Variants in FOXN3 observed in about 807,000 individuals in gnomAD.
FOXN3 encodes forkhead box N3, also known as forkhead box protein N3.
In FOXN3, 7 loss-of-function variants were observed where a neutral mutation model predicts 38.4. The observed-to-expected ratio is 0.18, with a 90% CI of 0.10 to 0.34. FOXN3 has a LOEUF of 0.34. Among genes scored for constraint, FOXN3 ranks in the 10% least tolerant of loss-of-function variants. The probability of loss-of-function intolerance (pLI) is 1.00; values close to 1 mark genes in which losing one functional copy is unlikely to be tolerated. For synonymous variants in FOXN3, 230 were observed against 242.2 expected (o/e 0.95, Z 0.47); for missense variants, 456 against 613.4 (o/e 0.74, Z 2.71).
intron 2 of FOXN3, among the ~76,000 whole-genome samples, chr14:89,394,403 C>T (rs924793346): frequency 1.3e-5 from 2 of 151,968 alleles, no homozygotes; most frequent in Admixed American, 6.6e-5. Flanking sequence ...GATGGGGTTT[C>T]GCCATGTTGG....
At chr14:89,350,166 T>C (rs1340986210) in intron 3 of FOXN3, 1 of 152,246 alleles carries the variant, frequency 6.6e-6, no homozygotes, top group African/African-American at 2.4e-5. Context: ...ATGTCTCTAT[T>C]GTTTCTACTG....
At chr14:89,245,666 G>A (rs1459437465) in intron 4 of FOXN3, among the ~76,000 whole-genome samples, 1 of 152,198 alleles carries the variant, frequency 6.6e-6, no homozygotes, top group Non-Finnish European at 1.5e-5. Context: ...AAGTGGTTGA[G>A]TGAGAAAGAA....
chr14:89,610,278 C>A (rs960906790), intron 1 of FOXN3, among the ~76,000 whole-genome samples: 1 of 152,202 alleles, frequency 6.6e-6, no homozygotes, highest in Non-Finnish European at 1.5e-5. Flanking sequence ...CCCTGAGAAC[C>A]TTCTCTGGCT....
At chr14:89,609,729 A>G (rs1056930770) in intron 1 of FOXN3, among the ~76,000 whole-genome samples, 5 of 152,026 alleles carry the variant, frequency 3.3e-5, no homozygotes, top group African/African-American at 1.2e-4. Flanking sequence ...ATATTTCAAG[A>G]GGGTTTTAGG....
At chr14:89,248,992 C>A (rs149214022) in intron 4 of FOXN3, among the ~76,000 whole-genome samples, 2 of 152,214 alleles carry the variant, frequency 1.3e-5, no homozygotes, top group Non-Finnish European at 2.9e-5. Context: ...ATACCCTCCA[C>A]GTATACAAGC....
At chr14:89,590,989 T>C (rs1895937938) in intron 1 of FOXN3, among the ~76,000 whole-genome samples, 1 of 152,240 alleles carries the variant, frequency 6.6e-6, no homozygotes, top group African/African-American at 2.4e-5. Context: ...CTATCCATTA[T>C]GCATCAAACC....
At chr14:89,290,650 G>C (rs965481651) in intron 3 of FOXN3, 6 of 461,860 alleles carry the variant, frequency 1.3e-5, no homozygotes, top group Admixed American at 2.7e-5. Context: ...TTGAACACGG[G>C]TGCATGTTGC....
At chr14:89,595,668 T>A (rs1402414618) in intron 1 of FOXN3, among the ~76,000 whole-genome samples, 2 of 152,352 alleles carry the variant, frequency 1.3e-5, no homozygotes, top group East Asian at 3.9e-4. Flanking sequence ...TCCTTTCTAA[T>A]CCTAATACCT....
chr14:89,505,755 G>T (rs1893907937), intron 1 of FOXN3, among the ~76,000 whole-genome samples: 1 of 151,872 alleles, frequency 6.6e-6, no homozygotes, highest in Admixed American at 6.6e-5. Context: ...GATGTGAGGA[G>T]CCTCTCTGCC....
At chr14:89,179,985 G>A (rs1450138098) in intron 5 of FOXN3, among the ~76,000 whole-genome samples, 1 of 152,268 alleles carries the variant, frequency 6.6e-6, no homozygotes, top group Non-Finnish European at 1.5e-5. Context: ...GGGGCACGGA[G>A]TTAGGAAACT....
chr14:89,162,396 C>G lies in FOXN3; in HGVS notation c.*18G>C. ...AAACCAAATGGTCGTAAGTTCAAAA[C>G]AAATCAGTGACTTGTTTTTAATTTT... On this transcript the variant is annotated 3_prime_UTR_variant, in exon 6 of 6. Coordinates refer to ENST00000557258, the MANE Select transcript of FOXN3 (RefSeq NM_005197.4). The surrounding 1 kb of genome is among the most constrained non-coding windows in gnomAD (Gnocchi z 7.2). 1 of 1,527,806 alleles carries G rather than the reference C, an allele frequency of 6.5e-7. No homozygotes were observed. Among genetic ancestry groups the G allele is most frequent in the Non-Finnish European group, 8.8e-7 (1 of 1,137,828 alleles). 94.6% of individuals were successfully genotyped at this position (1,527,806 alleles called of 1,614,324 possible). A position where few individuals can be genotyped will look rare whatever the true frequency, so the allele number is the denominator to read the frequency against.
At chr14:89,333,966 G>GTGTATATATATATATATATATA (rs1490383212) in intron 3 of FOXN3, among the ~76,000 whole-genome samples, 1 of 131,580 alleles carries the variant, frequency 7.6e-6, no homozygotes, top group African/African-American at 2.9e-5. Flanking sequence ...AATGTGGTGT[G>GTGTATATATATATATATATATA]TATATATATA....
At chr14:89,415,847 T>TACACACACACAC (rs5810462) in intron 1 of FOXN3, among the ~76,000 whole-genome samples, 2,401 of 140,450 alleles carry the variant, frequency 0.017, 56 homozygotes, top group African/African-American at 0.034. Flanking sequence ...AACTTTTCTC[T>TACACACACACAC]ACACACACAC....
At chr14:89,260,577 G>C (rs1046846014) in intron 4 of FOXN3, among the ~76,000 whole-genome samples, 1 of 152,240 alleles carries the variant, frequency 6.6e-6, no homozygotes, top group Admixed American at 6.5e-5. Context: ...CAATGGGCCT[G>C]ATGGCCGACT....
chr14:89,377,312 A>AAAATAAATAAAT (rs34397438), intron 2 of FOXN3, among the ~76,000 whole-genome samples: 4,467 of 149,724 alleles, frequency 0.03, 236 homozygotes, highest in African/African-American at 0.1. Context: ...ATGCTGGTAA[A>AAAATAAATAAAT]AAATAAATAA....
upstream of FOXN3, chr14:89,419,800 G>C (rs527561478): frequency 6.6e-6 from 1 of 152,380 alleles, no homozygotes; most frequent in Non-Finnish European, 1.5e-5. Flanking sequence ...CACACACACT[G>C]TATTGGTTAT....
At chr14:89,453,798 C>T (rs1892667573) in intron 1 of FOXN3, among the ~76,000 whole-genome samples, 1 of 152,144 alleles carries the variant, frequency 6.6e-6, no homozygotes, top group African/African-American at 2.4e-5. Context: ...AAATGCACAT[C>T]AGCTTTCACC....
At chr14:89,411,219 C>G (rs966922678) in intron 2 of FOXN3, among the ~76,000 whole-genome samples, 3 of 152,214 alleles carry the variant, frequency 2.0e-5, no homozygotes, top group Non-Finnish European at 4.4e-5. Flanking sequence ...CATACCAAAA[C>G]CATCCCCCTT....
chr14:89,382,015 G>A (rs1021113638), intron 2 of FOXN3, among the ~76,000 whole-genome samples: 6 of 151,922 alleles, frequency 3.9e-5, no homozygotes, highest in Non-Finnish European at 8.8e-5. Flanking sequence ...TGACCCTTTG[G>A]CCCCTTGAGT....
Sources: allele counts gnomAD v4.1 joint callset (sites outside exome capture counted in the v4.1 genomes callset), GRCh38; gene constraint gnomAD v4.1.1; non-coding constraint Gnocchi (gnomAD v3.1); transcripts MANE v1.5; gene names NCBI Gene and HGNC (gene_info 2026-07-23, HGNC 2026-07-21).